YIPF4: variants seen among roughly 807,000 people sequenced by gnomAD.
YIPF4 encodes the protein Yip1 domain family member 4, also known as protein YIPF4.
In YIPF4, 18 loss-of-function variants were observed where a neutral mutation model predicts 29.4. The ratio of observed to expected loss-of-function variants is 0.61; its 90% CI spans 0.42 to 0.91. The LOEUF (loss-of-function observed/expected upper bound fraction) is 0.91. YIPF4 is among the 40% of genes least tolerant of loss of function. The pLI, the probability that YIPF4 is intolerant of heterozygous loss-of-function variation, is 0.00. For synonymous variants in YIPF4, 115 were observed against 104.7 expected (o/e 1.10, Z -0.60); for missense variants, 279 against 282.7 (o/e 0.99, Z 0.09).
chr2:32,281,418 T>G (rs1339467810), intron 1 of YIPF4, among the ~76,000 whole-genome samples: 1 of 152,098 alleles, frequency 6.6e-6, no homozygotes, highest in Non-Finnish European at 1.5e-5. Flanking sequence ...ATTTTTGTAT[T>G]TTTTGTAGAG....
rs534644961 is a variant in YIPF4 at position 32,290,498 on chromosome 2, T to C, written c.95T>C (p.Ile32Thr). The C allele has an allele frequency of 2.6e-6, 4 of 1,565,496 alleles. No individual in the cohort carries two copies. The highest frequency in any genetic ancestry group is 3.5e-6 in the Non-Finnish European group (4 of 1,157,270). Reference sequence around the variant, plus strand: ...TTCTCCTAAGATCTCAGTGGTTCAATAGCATCCCCAGATGTCAAATTAAAT... The same window carrying C: ...TTCTCCTAAGATCTCAGTGGTTCAACAGCATCCCCAGATGTCAAATTAAAT... ...SADAEDLSGS[I>T]ASPDVKLNLG... Residue 32 changes from isoleucine (I) to threonine (T), a missense_variant, in exon 2 of 6, where the codon ATA becomes ACA. Physicochemically the swap from Ile to Thr is moderately conservative, Grantham distance 89. Coordinates refer to ENST00000238831, the MANE Select transcript of YIPF4 (RefSeq NM_032312.4).
Position 32,306,105 on chromosome 2 carries a change from A to G in YIPF4, c.*479A>G, listed in dbSNP as rs963934931. On this transcript the variant is annotated 3_prime_UTR_variant, in exon 6 of 6. Transcript: ENST00000238831. ...TTCTTACTCACAAAATATATTTCTG[A>G]TAAACATTAAGATATTAAATCTGAT... The G allele has an allele frequency of 1.4e-5, 11 of 781,236 alleles. No homozygotes were observed. Among genetic ancestry groups the G allele is most frequent in the African/African-American group, 1.9e-5 (1 of 52,792 alleles). 48.4% of individuals were successfully genotyped at this position (781,236 alleles called of 1,614,324 possible). A position where few individuals can be genotyped will look rare whatever the true frequency, so the allele number is the denominator to read the frequency against.
At chr2:32,281,831 G>T (rs1194180142) in intron 1 of YIPF4, among the ~76,000 whole-genome samples, 2 of 148,278 alleles carry the variant, frequency 1.3e-5, no homozygotes, top group Non-Finnish European at 3.0e-5. Flanking sequence ...GAAGGCAGAG[G>T]TTGCAGTGAG....
At chr2:32,289,602 C>T (rs1000636212) in intron 1 of YIPF4, among the ~76,000 whole-genome samples, 2 of 152,062 alleles carry the variant, frequency 1.3e-5, no homozygotes, top group East Asian at 1.9e-4. Context: ...TACAAATGTG[C>T]TTTTTCTTTT....
At chr2:32,284,344 A>G (rs377186975) in intron 1 of YIPF4, among the ~76,000 whole-genome samples, 12 of 152,140 alleles carry the variant, frequency 7.9e-5, no homozygotes, top group African/African-American at 2.9e-4. Context: ...AAGCGAGTGT[A>G]ATGGTTTGGA....
At position 32,310,444 on chromosome 2, in the gene YIPF4, C is replaced by T. The variant is rs980970775; in HGVS notation, c.*4818C>T. On this transcript the variant is annotated 3_prime_UTR_variant, in exon 6 of 6. Transcript: ENST00000238831. ...ACGAAGGGGATTGGTACCAGAACCA[C>T]TGCATACCAAATTCCACCCATACTC... 1.3e-5 allele frequency: 2 copies of T among 152,246 alleles called. No individual in the cohort carries two copies. Among genetic ancestry groups the T allele is most frequent in the Non-Finnish European group, 2.9e-5 (2 of 68,046 alleles). The allele number at this position is 152,246 out of a possible 1,614,324, so 9.4% of individuals were successfully genotyped here. A position where few individuals can be genotyped will look rare whatever the true frequency, so the allele number is the denominator to read the frequency against.
intron 5 of YIPF4, 23 bp downstream of exon 5, chr2:32,301,518 C>G: frequency 6.7e-7 from 1 of 1,502,600 alleles, no homozygotes; most frequent in East Asian, 2.3e-5. Context: ...TTATGTATTA[C>G]ATAGTTTACT....
chr2:32,296,069 G>C (rs563144714), intron 3 of YIPF4, among the ~76,000 whole-genome samples: 65 of 152,298 alleles, frequency 4.3e-4, no homozygotes, highest in Middle Eastern at 3.4e-3. Flanking sequence ...GTGTTGCAAA[G>C]ACCACTGAAG....
Position 32,301,507 on chromosome 2 carries a change from A to G in YIPF4, c.597+12A>G, listed in dbSNP as rs1246356085. The G allele has an allele frequency of 6.5e-7, 1 of 1,541,404 alleles. No homozygotes were observed. Among genetic ancestry groups the G allele is most frequent in the Non-Finnish European group, 9.0e-7 (1 of 1,115,214 alleles). ...CTACACTTATAAAAGTAAGTTAAGG[A>G]TTATGTATTACATAGTTTACTGTTT... On this transcript the variant is annotated intron_variant, in intron 5 of 5. Transcript: ENST00000238831.
intron 3 of YIPF4, among the ~76,000 whole-genome samples, chr2:32,295,650 C>G (rs2031150669): frequency 6.6e-6 from 1 of 152,166 alleles, no homozygotes; most frequent in Non-Finnish European, 1.5e-5. Flanking sequence ...GCTGCCCAGG[C>G]TAGAGTGCAA....
At chr2:32,282,792 T>G (rs1277681261) in intron 1 of YIPF4, among the ~76,000 whole-genome samples, 5 of 151,766 alleles carry the variant, frequency 3.3e-5, no homozygotes, top group Non-Finnish European at 7.4e-5. Flanking sequence ...AATACCCAAG[T>G]GCAGGCCAGG....
At chr2:32,278,317 C>A in intron 1 of YIPF4, 83 bp downstream of exon 1, 5 of 1,374,242 alleles carry the variant, frequency 3.6e-6, no homozygotes, top group South Asian at 1.4e-5. Context: ...CCGAGGTGGT[C>A]GTGGCCGGGT....
chr2:32,288,983 A>G (rs2030801538), intron 1 of YIPF4, among the ~76,000 whole-genome samples: 1 of 152,096 alleles, frequency 6.6e-6, no homozygotes, highest in Non-Finnish European at 1.5e-5. Context: ...AGAAGAAATA[A>G]CACTCTTTGT....
Position 32,306,495 on chromosome 2 carries a change from G to C in YIPF4, c.*869G>C, listed in dbSNP as rs2148968745. ...TGGTACTTCTAAATCATAAAAGTTG[G>C]GGAAAGAGACCTTTAAAATCTTGTG... is the stretch of plus-strand genomic sequence containing the variant. On this transcript the variant is annotated 3_prime_UTR_variant, in exon 6 of 6. Coordinates refer to ENST00000238831, the MANE Select transcript of YIPF4 (RefSeq NM_032312.4). 1.0e-6 allele frequency: 1 copy of C among 984,114 alleles called. No homozygotes were observed. The highest frequency in any genetic ancestry group is 1.2e-6 in the Non-Finnish European group (1 of 828,714). The allele number at this position is 984,114 out of a possible 1,614,324, so 61.0% of individuals were successfully genotyped here.
chr2:32,279,296 G>A (rs149873680), intron 1 of YIPF4, among the ~76,000 whole-genome samples: 5 of 150,124 alleles, frequency 3.3e-5, no homozygotes, highest in East Asian at 4.0e-4. Context: ...ATTACACTTC[G>A]TGCACCAGTT....
chr2:32,294,667 C>T (rs1211460935), intron 3 of YIPF4, among the ~76,000 whole-genome samples: 4 of 152,132 alleles, frequency 2.6e-5, no homozygotes, highest in African/African-American at 4.8e-5. Flanking sequence ...GACGGGGTGG[C>T]GGCCGGGCAG....
intron 3 of YIPF4, among the ~76,000 whole-genome samples, chr2:32,297,443 A>T (rs1284503684): frequency 6.6e-6 from 1 of 151,976 alleles, no homozygotes; most frequent in East Asian, 1.9e-4. Context: ...AAGAAGTCCT[A>T]CTTCCTTTAA....
In YIPF4 at chr2:32,301,485, C is replaced by G. The variant is rs1159488263; in HGVS notation, c.587C>G (p.Thr196Arg). 1.9e-6 allele frequency: 3 copies of G among 1,604,396 alleles called. No individual in the cohort carries two copies. Among genetic ancestry groups the G allele is most frequent in the Non-Finnish European group, 2.6e-6 (3 of 1,171,790 alleles). ...LVVGSFEVVSTLIKLFGVFWA... is the reference protein window; with the variant it reads ...LVVGSFEVVSRLIKLFGVFWA... ...GTTGGATCATTTGAAGTGGTGTCTACACTTATAAAAGTAAGTTAAGGATTA... is the reference window on the plus strand; with the variant it reads ...GTTGGATCATTTGAAGTGGTGTCTAGACTTATAAAAGTAAGTTAAGGATTA... The change falls in exon 5 of 6, where the codon ACA becomes AGA. Residue 196 changes from threonine (T) to arginine (R), a missense_variant. Physicochemically the swap from Thr to Arg is moderately conservative, Grantham distance 71. Coordinates refer to ENST00000238831, the MANE Select transcript of YIPF4 (RefSeq NM_032312.4).
At chr2:32,301,925 G>C (rs1472578106) in intron 5 of YIPF4, among the ~76,000 whole-genome samples, 1 of 152,078 alleles carries the variant, frequency 6.6e-6, no homozygotes. Context: ...GACTGGTCTT[G>C]AACTCCTGAC....
Sources: gnomAD v4.1 joint callset for allele counts (sites outside exome capture counted in the v4.1 genomes callset) on GRCh38, gnomAD v4.1.1 for gene constraint, MANE v1.5 for transcripts, NCBI Gene and HGNC (gene_info 2026-07-23, HGNC 2026-07-21) for gene names.